Variants in KIF16B observed in about 807,000 individuals in gnomAD.
KIF16B encodes kinesin-like protein KIF16B.
A neutral mutation model predicts 156.3 loss-of-function variants in KIF16B; 98 were observed. The ratio of observed to expected loss-of-function variants is 0.63; its 90% CI spans 0.53 to 0.74. The LOEUF (loss-of-function observed/expected upper bound fraction) is 0.74. KIF16B is among the 30% of genes least tolerant of loss of function. The pLI, the probability that KIF16B is intolerant of heterozygous loss-of-function variation, is 0.00. For synonymous variants in KIF16B, 564 were observed against 583.7 expected, an observed-to-expected ratio of 0.97 and a Z score of 0.49; for missense variants, 1,421 against 1,606.5, an observed-to-expected ratio of 0.88 and a Z score of 1.97.
chr20:16,288,179 C>T (rs2063254266), intron 25 of KIF16B, among the ~76,000 whole-genome samples: 1 of 152,190 alleles, frequency 6.6e-6, no homozygotes, highest in African/African-American at 2.4e-5. Flanking sequence ...GGATCCTAGG[C>T]ACTCAGTCTT....
At chr20:16,311,522 G>T (rs2063619780) in intron 25 of KIF16B, among the ~76,000 whole-genome samples, 1 of 152,066 alleles carries the variant, frequency 6.6e-6, no homozygotes, top group Non-Finnish European at 1.5e-5. Context: ...AACAAATGAA[G>T]TAGTAAGGGG....
Position 16,512,869 on chromosome 20 carries a change from C to T in KIF16B, c.403G>A (p.Glu135Lys), listed in dbSNP as rs766475196. ...GAAGCTTCATCCCATCTGGTGGTTT[C>T]ATTTATCCGACTGAAGAGTCCTTCA... Reference protein sequence around the residue: ...ICEGLFSRINETTRWDEASFR... With the variant: ...ICEGLFSRINKTTRWDEASFR... The change falls in exon 5 of 26, where the codon GAA becomes AAA. Residue 135 changes from glutamate to lysine, a missense_variant. Glu to Lys is a moderately conservative substitution (Grantham distance 56, BLOSUM62 1). Transcript: ENST00000354981. 7.4e-6 allele frequency: 12 copies of T among 1,613,948 alleles called. No homozygotes were observed. The South Asian group carries it at 9.9e-5, about 13-fold the overall frequency.
At chr20:16,534,192 T>G (rs1307379710) in intron 1 of KIF16B, among the ~76,000 whole-genome samples, 1 of 152,012 alleles carries the variant, frequency 6.6e-6, no homozygotes, top group Non-Finnish European at 1.5e-5. Context: ...GGGACAGAGG[T>G]TGCAGTGAGC....
intron 19 of KIF16B, among the ~76,000 whole-genome samples, chr20:16,376,443 A>T (rs1280882823): frequency 6.6e-6 from 1 of 152,212 alleles, no homozygotes; most frequent in African/African-American, 2.4e-5. Context: ...ACACTTGTGG[A>T]ATTTTACGAG....
chr20:16,539,593 G>A (rs1225414035), intron 1 of KIF16B, among the ~76,000 whole-genome samples: 5 of 152,134 alleles, frequency 3.3e-5, no homozygotes, highest in Non-Finnish European at 4.4e-5. Flanking sequence ...TGATGTGCCT[G>A]CTCCGGCTTT....
intron 15 of KIF16B, among the ~76,000 whole-genome samples, chr20:16,421,015 G>A (rs933161264): frequency 3.9e-5 from 6 of 152,132 alleles, no homozygotes; most frequent in South Asian, 2.1e-4. Context: ...ATGGTCTGCT[G>A]TAATTATTTT....
intron 3 of KIF16B, among the ~76,000 whole-genome samples, chr20:16,519,238 T>C (rs1267036485): frequency 1.3e-5 from 2 of 152,026 alleles, no homozygotes; most frequent in Non-Finnish European, 2.9e-5. Flanking sequence ...AGGCACCACC[T>C]CTCTCTGTGA....
chr20:16,509,686 T>C (rs1400160928), intron 6 of KIF16B, among the ~76,000 whole-genome samples: 1 of 152,242 alleles, frequency 6.6e-6, no homozygotes, highest in Non-Finnish European at 1.5e-5. Context: ...CCTTACTGAT[T>C]TATAGGAGCT....
At chr20:16,302,391 C>T (rs1447544140) in intron 25 of KIF16B, among the ~76,000 whole-genome samples, 1 of 152,156 alleles carries the variant, frequency 6.6e-6, no homozygotes. Context: ...ACTATCTTTA[C>T]TTCATTTTAT....
intron 1 of KIF16B, among the ~76,000 whole-genome samples, chr20:16,537,027 G>C (rs6044088): frequency 0.36 from 53,994 of 151,738 alleles, 9,652 homozygotes; most frequent in African/African-American, 0.38. Flanking sequence ...TGTAGGCCCT[G>C]TCCCAGGTCA....
intron 12 of KIF16B, among the ~76,000 whole-genome samples, chr20:16,456,729 C>A (rs1050653898): frequency 2.0e-5 from 3 of 152,128 alleles, no homozygotes; most frequent in Non-Finnish European, 4.4e-5. Context: ...GGTACTCCCC[C>A]ACTCTCCCTC....
intron 10 of KIF16B, among the ~76,000 whole-genome samples, chr20:16,502,849 T>C (rs1221395363): frequency 1.3e-5 from 2 of 152,234 alleles, no homozygotes; most frequent in Admixed American, 6.5e-5. Context: ...CCTTCACATA[T>C]AGTAATTTGA....
At chr20:16,330,616 GGATT>G in intron 24 of KIF16B, among the ~76,000 whole-genome samples, 1 of 152,210 alleles carries the variant, frequency 6.6e-6, no homozygotes, top group East Asian at 1.9e-4. Context: ...TTCATCAACA[GGATT>G]CTGGAAACCT....
chr20:16,313,113 T>C (rs2063645792), intron 24 of KIF16B, among the ~76,000 whole-genome samples: 1 of 152,250 alleles, frequency 6.6e-6, no homozygotes, highest in African/African-American at 2.4e-5. Context: ...CCAGGCAAGA[T>C]AGGATTCTAT....
chr20:16,440,608 G>A (rs114227268), intron 12 of KIF16B, among the ~76,000 whole-genome samples: 199 of 149,102 alleles, frequency 1.3e-3, no homozygotes, highest in African/African-American at 4.7e-3. Context: ...GAACCAATGA[G>A]GAAGAGCCAC....
At chr20:16,356,485 G>C (rs771642078) in intron 22 of KIF16B, 33 bp from the exon 23 acceptor site, 2 of 1,612,700 alleles carry the variant, frequency 1.2e-6, no homozygotes, top group Admixed American at 1.7e-5. Context: ...GGAGAACAAA[G>C]AGAAACCAGA....
intron 1 of KIF16B, among the ~76,000 whole-genome samples, chr20:16,553,824 CCAGGAGCAGACAGGAGCAGA>C (rs11467937): frequency 2.0e-5 from 3 of 150,718 alleles, no homozygotes; most frequent in Admixed American, 6.6e-5. Context: ...CCAGCAGGAG[CCAGGAGCAGACAGGAGCAGA>C]CAGGAGCAGA....
chr20:16,304,300 A>C (rs1290299361), intron 25 of KIF16B, among the ~76,000 whole-genome samples: 1 of 152,218 alleles, frequency 6.6e-6, no homozygotes, highest in East Asian at 1.9e-4. Flanking sequence ...TCATTGGTGC[A>C]TTCATAAAGC....
At chr20:16,381,972 T>C (rs1327226075) in intron 17 of KIF16B, 4 of 832,608 alleles carry the variant, frequency 4.8e-6, no homozygotes, top group Admixed American at 3.1e-5. Context: ...GAACAGATTT[T>C]ACTTGAAGGA....
Sources: gnomAD v4.1 joint callset for allele counts (sites outside exome capture counted in the v4.1 genomes callset) on GRCh38, gnomAD v4.1.1 for gene constraint, MANE v1.5 for transcripts, NCBI Gene and HGNC (gene_info 2026-07-23, HGNC 2026-07-21) for gene names.